Variants in PHF24 observed in about 807,000 individuals in gnomAD.
The protein encoded by PHF24 is PHD finger protein 24.
In PHF24, 25 loss-of-function variants were observed where a neutral mutation model predicts 42.6. The ratio of observed to expected loss-of-function variants is 0.59; its 90% CI spans 0.43 to 0.82. The LOEUF (loss-of-function observed/expected upper bound fraction) is 0.82. PHF24 is among the 40% of genes least tolerant of loss of function. PHF24 has a pLI of 0.00. For missense variants in PHF24, 470 were observed against 538.1 expected, an observed-to-expected ratio of 0.87 and a Z score of 1.25; for synonymous variants, 185 against 204.8, an observed-to-expected ratio of 0.90 and a Z score of 0.83.
At chr9:34,886,742 A>ATCTGTCTGTCTGTCTG in the PHF24 span, among the ~76,000 whole-genome samples, 569 of 107,800 alleles carry the variant, frequency 5.3e-3, 3 homozygotes, top group African/African-American at 0.019. Context: ...TTTTATATCT[A>ATCTGTCTGTCTGTCTG]TCTATCTATC....
At chr9:34,881,335 C>A in the PHF24 span, among the ~76,000 whole-genome samples, 2 of 152,034 alleles carry the variant, frequency 1.3e-5, no homozygotes, top group African/African-American at 4.8e-5. Flanking sequence ...CAAAAGCTAG[C>A]AGAAGGCAAG....
At chr9:34,769,064 C>A in the PHF24 span, among the ~76,000 whole-genome samples, 7 of 152,062 alleles carry the variant, frequency 4.6e-5, no homozygotes, top group Non-Finnish European at 1.5e-5. Flanking sequence ...TACCCAGAAA[C>A]AAAATATGTA....
chr9:34,776,251 T>C, the PHF24 span, among the ~76,000 whole-genome samples: 253 of 152,330 alleles, frequency 1.7e-3, no homozygotes, highest in African/African-American at 5.4e-3. Flanking sequence ...ACTTTTAGGA[T>C]GGAAATTCCA....
At chr9:34,752,060 C>T in the PHF24 span, among the ~76,000 whole-genome samples, 4 of 151,866 alleles carry the variant, frequency 2.6e-5, no homozygotes, top group East Asian at 1.9e-4. Flanking sequence ...GCAATACTAA[C>T]GGGGAAGTTT....
the PHF24 span, among the ~76,000 whole-genome samples, chr9:34,879,154 T>C: frequency 6.6e-6 from 1 of 152,100 alleles, no homozygotes; most frequent in African/African-American, 2.4e-5. Context: ...TCCTGACTGT[T>C]AGAAGGAAAA....
the PHF24 span, among the ~76,000 whole-genome samples, chr9:34,894,076 A>G: frequency 6.6e-6 from 1 of 152,206 alleles, no homozygotes; most frequent in East Asian, 1.9e-4. Flanking sequence ...CTCAGAGGAG[A>G]GGGAATAAAG....
the PHF24 span, among the ~76,000 whole-genome samples, chr9:34,870,407 T>C: frequency 7.9e-5 from 12 of 152,288 alleles, no homozygotes; most frequent in African/African-American, 2.9e-4. Context: ...AAATTCTCTG[T>C]GCTCTACCTA....
At chr9:34,806,076 C>A in the PHF24 span, among the ~76,000 whole-genome samples, 3 of 152,118 alleles carry the variant, frequency 2.0e-5, no homozygotes, top group Non-Finnish European at 1.5e-5. Flanking sequence ...CACTGATGCA[C>A]ATATCTATCC....
At chr9:34,882,749 G>T in the PHF24 span, among the ~76,000 whole-genome samples, 1 of 152,156 alleles carries the variant, frequency 6.6e-6, no homozygotes, top group African/African-American at 2.4e-5. Flanking sequence ...CCATGCTCAT[G>T]GATAGGAAGA....
At chr9:34,809,159 T>A in the PHF24 span, among the ~76,000 whole-genome samples, 2 of 151,934 alleles carry the variant, frequency 1.3e-5, no homozygotes, top group Admixed American at 6.6e-5. This position sits in a 1 kb window ranked among gnomAD's most constrained non-coding sequence, Gnocchi z 4.1. Flanking sequence ...CTTGTTTGTA[T>A]CCCCCACAAG....
At chr9:34,815,022 G>A in the PHF24 span, among the ~76,000 whole-genome samples, 9 of 152,126 alleles carry the variant, frequency 5.9e-5, no homozygotes, top group Admixed American at 2.6e-4. Context: ...TTGAGCCACC[G>A]CGCTTGGCAC....
At chr9:34,923,112 A>G in the PHF24 span, among the ~76,000 whole-genome samples, 44 of 151,962 alleles carry the variant, frequency 2.9e-4, no homozygotes, top group Admixed American at 1.5e-3. Context: ...TTCAGCATCA[A>G]TTGAAATGAT....
chr9:34,791,233 C>T, the PHF24 span, among the ~76,000 whole-genome samples: 1 of 152,046 alleles, frequency 6.6e-6, no homozygotes, highest in Non-Finnish European at 1.5e-5. Flanking sequence ...AGATAGTCGG[C>T]AAGAAGTGAC....
At chr9:34,952,945 A>G (rs1173149536), upstream of PHF24, among the ~76,000 whole-genome samples, 1 of 152,234 alleles carries the variant, frequency 6.6e-6, no homozygotes, top group African/African-American at 2.4e-5. Flanking sequence ...TTCAATCTAT[A>G]CCTCATACCT....
chr9:34,854,219 A>T, the PHF24 span, among the ~76,000 whole-genome samples: 3 of 148,550 alleles, frequency 2.0e-5, no homozygotes, highest in Non-Finnish European at 3.0e-5. Flanking sequence ...TTTCAAAAAA[A>T]ATCAGCTTCC....
the PHF24 span, among the ~76,000 whole-genome samples, chr9:34,927,378 C>T: frequency 1.3e-5 from 2 of 152,050 alleles, no homozygotes; most frequent in East Asian, 1.9e-4. Flanking sequence ...GGGTGTGCTT[C>T]AGAGTTTGCT....
At chr9:34,973,839 G>A (rs1324671617) in intron 3 of PHF24, among the ~76,000 whole-genome samples, 1 of 152,028 alleles carries the variant, frequency 6.6e-6, no homozygotes, top group Admixed American at 6.6e-5. Flanking sequence ...TATAGGACTG[G>A]GGTGAAGGGG....
chr9:34,728,116 G>A, the PHF24 span: 2 of 1,543,858 alleles, frequency 1.3e-6, no homozygotes, highest in Non-Finnish European at 1.8e-6. Context: ...ATATGGCATG[G>A]GATAATTTCA....
the PHF24 span, among the ~76,000 whole-genome samples, chr9:34,855,476 C>T: frequency 2.6e-4 from 39 of 152,274 alleles, no homozygotes; most frequent in East Asian, 3.1e-3. Context: ...CTGGTGGTGA[C>T]GAATTCCCTT....
Sources: allele counts gnomAD v4.1 joint callset (sites outside exome capture counted in the v4.1 genomes callset), GRCh38; gene constraint gnomAD v4.1.1; non-coding constraint Gnocchi (gnomAD v3.1); transcripts MANE v1.5; gene names NCBI Gene and HGNC (gene_info 2026-07-23, HGNC 2026-07-21).